The following OR6N1 variants were observed in gnomAD, a reference collection of about 807,000 sequenced individuals.
The protein encoded by OR6N1 is olfactory receptor 6N1.
For missense variants in OR6N1, 394 were observed against 371.7 expected (o/e 1.06, Z -0.49); for synonymous variants, 170 against 150.7 (o/e 1.13, Z -0.94).
At position 158,766,453 on chromosome 1, in the gene OR6N1, G is replaced by A; in HGVS notation, c.230C>T (p.Thr77Ile). 1.9e-6 allele frequency: 3 copies of A among 1,613,770 alleles called. No homozygotes were observed. Among genetic ancestry groups the A allele is most frequent in the Non-Finnish European group, 2.5e-6 (3 of 1,179,648 alleles). Residue 77 changes from threonine to isoleucine, a missense_variant, in exon 2 of 2, where the codon ACC (threonine) becomes ATC (isoleucine). By Grantham distance (89) the Thr-to-Ile change is moderately conservative. Transcript: ENST00000641846. ...CAAGTTTGCCAGCATCTTAGGGATG[G>A]TGGCAGCTGTATAGCCAAGCTCTGA... is the stretch of plus-strand genomic sequence containing the variant. ...SFSELGYTAATIPKMLANLLS... is the reference protein window; with the variant it reads ...SFSELGYTAAIIPKMLANLLS...
chr1:158,807,003 CAAAAAAAAAA>C, the OR6N1 span, among the ~76,000 whole-genome samples: 2 of 72,916 alleles, frequency 2.7e-5, no homozygotes, highest in African/African-American at 1.1e-4. Flanking sequence ...GACGTCATCT[CAAAAAAAAAA>C]AAAAAAAAAA....
At chr1:158,784,068 T>C in the OR6N1 span, among the ~76,000 whole-genome samples, 4 of 152,090 alleles carry the variant, frequency 2.6e-5, no homozygotes, top group Non-Finnish European at 5.9e-5. Context: ...ATCTCGCCAC[T>C]GCACTGCAGC....
At chr1:158,773,302 A>G (rs1479756826), upstream of OR6N1, among the ~76,000 whole-genome samples, 1 of 152,160 alleles carries the variant, frequency 6.6e-6, no homozygotes, top group Admixed American at 6.5e-5. Context: ...GTAGAGTTTA[A>G]GTAATAATTT....
upstream of OR6N1, chr1:158,776,780 T>C: frequency 1.2e-6 from 2 of 1,614,030 alleles, no homozygotes; most frequent in Non-Finnish European, 1.7e-6. Flanking sequence ...ATAATTGGAT[T>C]GACCATTGGT....
chr1:158,795,703 G>A, the OR6N1 span, among the ~76,000 whole-genome samples: 4 of 152,320 alleles, frequency 2.6e-5, no homozygotes, highest in South Asian at 2.1e-4. Context: ...CCATGGCCTG[G>A]ATTGCCCAGC....
the OR6N1 span, among the ~76,000 whole-genome samples, chr1:158,796,555 G>A: frequency 8.6e-5 from 13 of 151,962 alleles, no homozygotes; most frequent in Non-Finnish European, 1.5e-5. Flanking sequence ...AATTTCCAGG[G>A]TTCCTATTTG....
the OR6N1 span, among the ~76,000 whole-genome samples, chr1:158,806,294 C>T: frequency 2.0e-5 from 3 of 152,206 alleles, no homozygotes; most frequent in South Asian, 2.1e-4. Context: ...TAAATTTGGA[C>T]CCTTAGGTCA....
At chr1:158,805,742 C>A in the OR6N1 span, among the ~76,000 whole-genome samples, 4 of 152,070 alleles carry the variant, frequency 2.6e-5, no homozygotes, top group African/African-American at 4.8e-5. Context: ...AAAAAAATAC[C>A]TTCTGGTGGA....
the OR6N1 span, among the ~76,000 whole-genome samples, chr1:158,815,347 A>G: frequency 0.41 from 62,570 of 152,020 alleles, 13,300 homozygotes; most frequent in Non-Finnish European, 0.47. Flanking sequence ...ATACAACCTC[A>G]ACAATGTCAA....
At chr1:158,807,263 T>A in the OR6N1 span, among the ~76,000 whole-genome samples, 7 of 152,226 alleles carry the variant, frequency 4.6e-5, no homozygotes, top group Admixed American at 4.6e-4. Context: ...AAAGATTAAA[T>A]TTTTAAAAAC....
chr1:158,786,272 A>G, the OR6N1 span, among the ~76,000 whole-genome samples: 1 of 152,210 alleles, frequency 6.6e-6, no homozygotes, highest in South Asian at 2.1e-4. Flanking sequence ...TATCAGGGAA[A>G]TGCAAATTAA....
chr1:158,768,624 T>C (rs1407828248), intron 1 of OR6N1, among the ~76,000 whole-genome samples: 1 of 152,232 alleles, frequency 6.6e-6, no homozygotes, highest in Non-Finnish European at 1.5e-5. Context: ...AGGTTCTGCG[T>C]TTCCATCGAT....
the OR6N1 span, chr1:158,781,131 C>T: frequency 6.3e-3 from 958 of 152,302 alleles, 7 homozygotes; most frequent in Non-Finnish European, 7.1e-3. Flanking sequence ...CTTTCCAATC[C>T]CTGATCAATA....
chr1:158,784,268 T>G, the OR6N1 span, among the ~76,000 whole-genome samples: 5 of 152,222 alleles, frequency 3.3e-5, no homozygotes, highest in African/African-American at 1.2e-4. Context: ...TCATTGAGTA[T>G]CCATCTTTCT....
At chr1:158,824,177 G>A in the OR6N1 span, among the ~76,000 whole-genome samples, 2 of 152,032 alleles carry the variant, frequency 1.3e-5, no homozygotes, top group Non-Finnish European at 1.5e-5. Context: ...ATGGGGTCTT[G>A]TCTTTCCCGT....
At chr1:158,808,084 CT>C in the OR6N1 span, among the ~76,000 whole-genome samples, 3 of 138,556 alleles carry the variant, frequency 2.2e-5, no homozygotes, top group African/African-American at 7.9e-5. Context: ...GATCATTGAG[CT>C]TCCCTTAAAA....
chr1:158,766,655 CT>C lies in OR6N1; in HGVS notation c.27del (p.Ala10GlnfsTer28). The C allele has an allele frequency of 6.2e-6, 10 of 1,611,844 alleles. No individual in the cohort carries two copies. The highest frequency in any genetic ancestry group is 8.5e-6 in the Non-Finnish European group (10 of 1,179,306). On this transcript the variant is annotated frameshift_variant, in exon 2 of 2. Coordinates refer to ENST00000641846, the MANE Select transcript of OR6N1 (RefSeq NM_001005185.2). LOFTEE classifies it low-confidence loss of function (END_TRUNC). ...GGGAAGCCCAAGATGATGAATTCTG[CT>C]ACCTGGCTCCAGTTCCCTGTGTCCA... MDTGNWSQ[V>X]AEFIILGFPH...
At chr1:158,823,018 T>C in the OR6N1 span, among the ~76,000 whole-genome samples, 1 of 152,306 alleles carries the variant, frequency 6.6e-6, no homozygotes, top group Middle Eastern at 3.4e-3. Context: ...TATTTATTGA[T>C]TTGGGTATGT....
chr1:158,777,269 A>T, the OR6N1 span: 6 of 1,614,124 alleles, frequency 3.7e-6, no homozygotes, highest in Non-Finnish European at 4.2e-6. Flanking sequence ...ATGGCCAGGT[A>T]TCTATCATAG....
Sources: allele counts gnomAD v4.1 joint callset (sites outside exome capture counted in the v4.1 genomes callset), GRCh38; gene constraint gnomAD v4.1.1; transcripts MANE v1.5; gene names NCBI Gene and HGNC (gene_info 2026-07-23, HGNC 2026-07-21).